GDAP1: variants seen among roughly 807,000 people sequenced by gnomAD.
The protein encoded by GDAP1 is ganglioside-induced differentiation-associated protein 1.
Under a neutral mutation model 40.1 loss-of-function variants are expected in GDAP1, and 34 were observed. The ratio of observed to expected loss-of-function variants is 0.85; its 90% CI spans 0.64 to 1.13. GDAP1 has a LOEUF of 1.13. Among genes scored for constraint, GDAP1 ranks in the 50% most tolerant of loss-of-function variants. GDAP1 has a pLI of 0.00. For synonymous variants in GDAP1, 170 were observed against 157.4 expected (o/e 1.08, Z -0.60); for missense variants, 374 against 433.7 (o/e 0.86, Z 1.22).
intron 2 of GDAP1, among the ~76,000 whole-genome samples, chr8:74,372,766 C>T (rs994051123): frequency 1.3e-5 from 2 of 152,156 alleles, no homozygotes; most frequent in Admixed American, 6.5e-5. Context: ...AGCTCTTTAG[C>T]TTAATTAGAT....
chr8:74,396,654 T>C (rs1360373185), intron 2 of GDAP1, among the ~76,000 whole-genome samples: 1 of 152,116 alleles, frequency 6.6e-6, no homozygotes, highest in African/African-American at 2.4e-5. Flanking sequence ...TGATTTCCAG[T>C]TTCATCCATG....
intron 2 of GDAP1, among the ~76,000 whole-genome samples, chr8:74,428,927 G>A (rs1406522517): frequency 2.3e-5 from 3 of 131,440 alleles, no homozygotes; most frequent in Admixed American, 1.9e-4. Flanking sequence ...AAGTGTTCTC[G>A]TTGTTCAATT....
intron 2 of GDAP1, among the ~76,000 whole-genome samples, chr8:74,381,100 G>C (rs11780006): frequency 7.7e-6 from 1 of 130,606 alleles, no homozygotes; most frequent in East Asian, 2.4e-4. Flanking sequence ...GTGTGTGTCT[G>C]TGTGTGTGGT....
chr8:74,447,082 A>G (rs957435210), intron 2 of GDAP1, among the ~76,000 whole-genome samples: 1 of 152,168 alleles, frequency 6.6e-6, no homozygotes, highest in East Asian at 1.9e-4. Flanking sequence ...TCCTAAATAA[A>G]AGATTAATTA....
chr8:74,452,079 AG>A (rs1806300073), intron 2 of GDAP1, among the ~76,000 whole-genome samples: 1 of 80,696 alleles, frequency 1.2e-5, no homozygotes, highest in Non-Finnish European at 2.5e-5. Context: ...CCTCCCAAGT[AG>A]CTGGGACTAC....
Position 74,364,521 on chromosome 8 carries a change from A to T in GDAP1, c.*154A>T, listed in dbSNP as rs764207679. On this transcript the variant is annotated 3_prime_UTR_variant, in exon 6 of 6. Transcript: ENST00000220822. ...TGTTACACAACACAGGGGTTCAGGTAGCAATAGGACACAAAATTGCTTTAT... is the reference window on the plus strand; with the variant it reads ...TGTTACACAACACAGGGGTTCAGGTTGCAATAGGACACAAAATTGCTTTAT... 2.5e-6 allele frequency: 2 copies of T among 796,300 alleles called. No homozygotes were observed. The highest frequency in any genetic ancestry group is 4.3e-6 in the Non-Finnish European group (2 of 466,680). The allele number at this position is 796,300 out of a possible 1,614,324, so 49.3% of individuals were successfully genotyped here.
intron 4 of GDAP1, 106 bp downstream of exon 4, chr8:74,362,084 T>C: frequency 1.4e-6 from 1 of 723,784 alleles, no homozygotes. Context: ...AATATTGCAG[T>C]TCACCAGTAC....
At chr8:74,483,131 A>C (rs982184653) in intron 2 of GDAP1, among the ~76,000 whole-genome samples, 33 of 152,194 alleles carry the variant, frequency 2.2e-4, no homozygotes, top group African/African-American at 7.5e-4. Context: ...GCTCTTCTGG[A>C]CACACAGTTA....
intron 2 of GDAP1, among the ~76,000 whole-genome samples, chr8:74,436,446 G>A (rs756196936): frequency 4.1e-4 from 61 of 147,826 alleles, no homozygotes; most frequent in Non-Finnish European, 6.6e-4. Context: ...TTTCTGAGAC[G>A]GAGTCTCACT....
Position 74,363,963 on chromosome 8 carries a change from C to G in GDAP1, c.695-22C>G, listed in dbSNP as rs1257029874. ...CTGTAGAGTGCTTGCCTCTAATTCT[C>G]TATGTCCCTTTCTCTAATTAGAAGA... On this transcript the variant is annotated intron_variant, in intron 5 of 5. Transcript: ENST00000220822. 2.5e-6 allele frequency: 4 copies of G among 1,612,138 alleles called. No individual in the cohort carries two copies. The South Asian group carries it at 4.4e-5, about 18-fold the overall frequency.
intron 2 of GDAP1, among the ~76,000 whole-genome samples, chr8:74,436,701 CG>C (rs141410590): frequency 0.056 from 8,506 of 152,158 alleles, 300 homozygotes; most frequent in East Asian, 0.12. Flanking sequence ...GGATTATAGG[CG>C]TGAGCCACTG....
chr8:74,439,161 C>T (rs970775723), intron 2 of GDAP1, among the ~76,000 whole-genome samples: 31 of 151,680 alleles, frequency 2.0e-4, no homozygotes, highest in African/African-American at 7.0e-4. Context: ...TCTTTCTGCA[C>T]CAAAATGTTT....
intron 4 of GDAP1, 75 bp from the exon 5 acceptor site, chr8:74,362,864 A>G: frequency 1.7e-6 from 1 of 579,342 alleles, no homozygotes; most frequent in African/African-American, 2.3e-5. Flanking sequence ...AAGAGTTTGT[A>G]TCTGCTTTAC....
At chr8:74,466,685 C>T (rs934214732) in intron 2 of GDAP1, among the ~76,000 whole-genome samples, 1 of 152,100 alleles carries the variant, frequency 6.6e-6, no homozygotes, top group Admixed American at 6.5e-5. Flanking sequence ...ACAGTTTTTA[C>T]ATGTTAAATT....
chr8:74,408,543 C>T (rs1160405034), intron 2 of GDAP1, among the ~76,000 whole-genome samples: 2 of 150,072 alleles, frequency 1.3e-5, no homozygotes, highest in East Asian at 3.9e-4. Flanking sequence ...TGAAAAGGCA[C>T]CATCCATGAG....
rs900903258 is a variant in GDAP1 at position 74,393,635 on chromosome 8, G to A, written c.165+42314G>A. Among the ~76,000 whole-genome samples, 6 of 152,084 alleles carry A rather than the reference G, an allele frequency of 3.9e-5. No individual in the cohort carries two copies. The South Asian group carries it at 8.3e-4, about 21-fold the overall frequency. On this transcript the variant is annotated intron_variant, in intron 2 of 2. Transcript: ENST00000523640. The stretch of plus-strand genomic sequence containing the variant: ...TAGGACTATCCAGGTGTTTCTTGTC[G>A]ACCTGGGAGAATAACAAAATATATT...
intron 2 of GDAP1, among the ~76,000 whole-genome samples, chr8:74,464,736 G>A (rs907314307): frequency 4.6e-5 from 7 of 152,136 alleles, no homozygotes; most frequent in Admixed American, 6.5e-5. Context: ...GAATAACTCC[G>A]TCAGACAAAG....
intron 2 of GDAP1, among the ~76,000 whole-genome samples, chr8:74,431,374 G>A (rs1806022467): frequency 6.6e-6 from 1 of 152,000 alleles, no homozygotes; most frequent in Non-Finnish European, 1.5e-5. Flanking sequence ...CACGGAGGAG[G>A]GTTTAGTCTG....
chr8:74,414,870 A>G (rs1315870902), intron 2 of GDAP1, among the ~76,000 whole-genome samples: 2 of 150,076 alleles, frequency 1.3e-5, no homozygotes, highest in South Asian at 2.1e-4. Flanking sequence ...AAAAGAATAC[A>G]TGTCCAGACA....
Sources: gnomAD v4.1 joint callset for allele counts (sites outside exome capture counted in the v4.1 genomes callset) on GRCh38, gnomAD v4.1.1 for gene constraint, MANE v1.5 for transcripts, NCBI Gene and HGNC (gene_info 2026-07-23, HGNC 2026-07-21) for gene names.